Variants in ARHGAP6 observed in about 807,000 individuals in gnomAD.
The protein encoded by ARHGAP6 is Rho GTPase activating protein 6.
Under a neutral mutation model 55.7 loss-of-function variants are expected in ARHGAP6, and 16 were observed. The ratio of observed to expected loss-of-function variants is 0.29; its 90% CI spans 0.19 to 0.44. The LOEUF (loss-of-function observed/expected upper bound fraction) is 0.44. Ranked by LOEUF, ARHGAP6 falls within the 20% of genes least tolerant of loss-of-function variation. The probability of loss-of-function intolerance (pLI) is 1.00; values close to 1 mark genes in which losing one functional copy is unlikely to be tolerated. For synonymous variants in ARHGAP6, 382 were observed against 360.9 expected (o/e 1.06, Z -0.66); for missense variants, 698 against 808.9 (o/e 0.86, Z 1.66).
intron 1 of ARHGAP6, among the ~76,000 whole-genome samples, chrX:11,576,817 C>T (rs2051603750): frequency 2.2e-5 from 2 of 92,173 alleles, no homozygotes; most frequent in Admixed American, 2.3e-4. Context: ...ATGGATCTCA[C>T]TGGGCTCAAA....
At chrX:11,166,717 G>T (rs181113892) in intron 9 of ARHGAP6, among the ~76,000 whole-genome samples, 2 of 111,952 alleles carry the variant, frequency 1.8e-5, no homozygotes, top group African/African-American at 6.5e-5. Context: ...CAGTGCTAGG[G>T]CATAGCACCA....
At chrX:11,297,179 A>G (rs1449835741) in intron 1 of ARHGAP6, among the ~76,000 whole-genome samples, 1 of 112,264 alleles carries the variant, frequency 8.9e-6, no homozygotes, top group African/African-American at 3.2e-5. Flanking sequence ...GATGTTATTT[A>G]AAACTCTTTC....
intron 1 of ARHGAP6, among the ~76,000 whole-genome samples, chrX:11,643,916 A>T (rs1413714757): frequency 9.0e-6 from 1 of 110,775 alleles, no homozygotes; most frequent in Non-Finnish European, 1.9e-5. Context: ...AGCTGACCGC[A>T]TATGCATGAG....
chrX:11,286,246 T>A (rs5934992), intron 1 of ARHGAP6, among the ~76,000 whole-genome samples: 9,022 of 111,622 alleles, frequency 0.081, 544 homozygotes, highest in African/African-American at 0.21. Flanking sequence ...GATATTTGGT[T>A]ACATGAATAA....
chrX:11,605,018 C>T (rs2052017757), intron 1 of ARHGAP6, among the ~76,000 whole-genome samples: 1 of 111,707 alleles, frequency 9.0e-6, no homozygotes, highest in Non-Finnish European at 1.9e-5. Context: ...ATGAGCTGTC[C>T]CTGAAGAGAG....
At chrX:11,576,628 G>T (rs1321510560) in intron 1 of ARHGAP6, among the ~76,000 whole-genome samples, 1 of 112,163 alleles carries the variant, frequency 8.9e-6, no homozygotes, top group African/African-American at 3.2e-5. Context: ...TATCAGATTA[G>T]GAAGTGTCTT....
rs184085083 is a variant in ARHGAP6, at chrX:11,576,434, T to C, written c.588+87807A>G. Reference sequence around the variant, plus strand: ...CAATAGTACAAGACACATGCTACAATTTTTGTGGCATTTTCTATTTCCACT... The same window carrying C: ...CAATAGTACAAGACACATGCTACAACTTTTGTGGCATTTTCTATTTCCACT... On this transcript the variant is annotated intron_variant, in intron 1 of 12. Coordinates refer to ENST00000337414, the MANE Select transcript of ARHGAP6 (RefSeq NM_013427.3). Among the ~76,000 whole-genome samples the C allele has an allele frequency of 4.0e-3, 451 of 112,036 alleles. 2 individuals carry two copies. Among genetic ancestry groups the C allele is most frequent in the African/African-American group, 0.013 (401 of 30,918 alleles).
At chrX:11,330,446 A>G (rs1265870398) in intron 1 of ARHGAP6, among the ~76,000 whole-genome samples, 2 of 111,819 alleles carry the variant, frequency 1.8e-5, no homozygotes, top group Non-Finnish European at 3.8e-5. Context: ...AATTTTAAAA[A>G]TTCTGAGAGC....
At chrX:11,660,330 G>A (rs2052681531) in intron 1 of ARHGAP6, among the ~76,000 whole-genome samples, 1 of 108,511 alleles carries the variant, frequency 9.2e-6, no homozygotes, top group African/African-American at 3.4e-5. Flanking sequence ...GGAGGGTGAG[G>A]CAGGCAGATG....
At chrX:11,406,097 C>G (rs1251689733) in intron 1 of ARHGAP6, among the ~76,000 whole-genome samples, 1 of 110,808 alleles carries the variant, frequency 9.0e-6, no homozygotes, top group Non-Finnish European at 1.9e-5. Context: ...GAGACAGGGT[C>G]TTGCCATATT....
At chrX:11,389,600 T>C (rs1398470073) in intron 1 of ARHGAP6, among the ~76,000 whole-genome samples, 2 of 112,472 alleles carry the variant, frequency 1.8e-5, no homozygotes, top group Admixed American at 9.4e-5. Context: ...CATCAATATT[T>C]AGTAAATTAT....
chrX:11,373,558 T>G (rs1292298323), intron 1 of ARHGAP6, among the ~76,000 whole-genome samples: 1 of 111,977 alleles, frequency 8.9e-6, no homozygotes, highest in Non-Finnish European at 1.9e-5. Flanking sequence ...ATGAAATAAT[T>G]GTGTCTTCAC....
chrX:11,607,849 A>G (rs2052053768), intron 1 of ARHGAP6, among the ~76,000 whole-genome samples: 1 of 112,356 alleles, frequency 8.9e-6, no homozygotes, highest in African/African-American at 3.2e-5. Flanking sequence ...GCTTTGAGCG[A>G]ACCAGTGCAA....
At chrX:11,596,350 C>A (rs1368584044) in intron 1 of ARHGAP6, among the ~76,000 whole-genome samples, 1 of 111,329 alleles carries the variant, frequency 9.0e-6, no homozygotes, top group East Asian at 2.8e-4. Context: ...CATGTTGTCA[C>A]TCATAAGTGG....
intron 2 of ARHGAP6, among the ~76,000 whole-genome samples, chrX:11,206,338 T>A (rs2046704125): frequency 8.9e-6 from 1 of 112,288 alleles, no homozygotes; most frequent in African/African-American, 3.2e-5. Flanking sequence ...TATACCCAAG[T>A]CTATTTTGGA....
At chrX:11,661,227 G>A (rs1241367644) in intron 1 of ARHGAP6, among the ~76,000 whole-genome samples, 2 of 112,287 alleles carry the variant, frequency 1.8e-5, no homozygotes, top group East Asian at 5.6e-4. Flanking sequence ...CAGAGTCAGG[G>A]GCAGAGCTTG....
At chrX:11,356,902 G>A (rs915208700) in intron 1 of ARHGAP6, among the ~76,000 whole-genome samples, 1 of 111,751 alleles carries the variant, frequency 8.9e-6, no homozygotes, top group African/African-American at 3.3e-5. Context: ...CATATTGCCT[G>A]GACCCAGAAA....
At chrX:11,360,002 T>A (rs368800432) in intron 1 of ARHGAP6, among the ~76,000 whole-genome samples, 2 of 111,535 alleles carry the variant, frequency 1.8e-5, no homozygotes, top group African/African-American at 6.5e-5. Flanking sequence ...TCTGAAATTG[T>A]GGCAATAATC....
intron 1 of ARHGAP6, chrX:11,367,874 A>C (rs1268185155): frequency 4.7e-6 from 3 of 642,248 alleles, no homozygotes; most frequent in Admixed American, 8.8e-5. Flanking sequence ...TTGGCAAAGC[A>C]ACAAGGTCAA....
Sources: gnomAD v4.1 joint callset for allele counts (sites outside exome capture counted in the v4.1 genomes callset) on GRCh38, gnomAD v4.1.1 for gene constraint, MANE v1.5 for transcripts, NCBI Gene and HGNC (gene_info 2026-07-23, HGNC 2026-07-21) for gene names.